FBXL17: variants seen among roughly 807,000 people sequenced by gnomAD.
FBXL17 encodes F-box/LRR-repeat protein 17.
FBXL17 carries 22 observed loss-of-function variants against 66.2 expected under a neutral mutation model. That is an observed-to-expected ratio of 0.33 (90% CI 0.24 to 0.47). The LOEUF (loss-of-function observed/expected upper bound fraction) is 0.47, where lower values mean the gene tolerates loss of function less well. Ranked by LOEUF, FBXL17 falls within the 20% of genes least tolerant of loss-of-function variation. FBXL17 has a pLI of 1.00. For synonymous variants in FBXL17, 474 were observed against 400.5 expected (o/e 1.18, Z -2.19); for missense variants, 878 against 948.2 (o/e 0.93, Z 0.97).
chr5:108,286,398 C>T (rs1281245265), intron 4 of FBXL17, among the ~76,000 whole-genome samples: 1 of 151,808 alleles, frequency 6.6e-6, no homozygotes, highest in Non-Finnish European at 1.5e-5. Flanking sequence ...AACCCTGTAG[C>T]ATCTGCCCAA....
intron 6 of FBXL17, among the ~76,000 whole-genome samples, chr5:108,096,225 G>T (rs995814498): frequency 6.6e-6 from 1 of 152,120 alleles, no homozygotes; most frequent in East Asian, 1.9e-4. Flanking sequence ...GTCCACACAC[G>T]GAGCATTAGC....
chr5:108,189,287 AGGATGGGATGGGATGGGATG>A lies in FBXL17; in HGVS notation c.1615-3060_1615-3041del, dbSNP rs5870302. ...TCATGTAGTTGCTGGAAGAATTCAT[AGGATGGGATGGGATGGGATG>A]GGATGGGATGGGATGGGATGGGATG... On this transcript the variant is annotated intron_variant, in intron 5 of 8. Transcript: ENST00000542267. 5.7e-3 allele frequency among the ~76,000 whole-genome samples: 642 copies of A among 112,526 alleles called. 5 individuals are homozygous for A. Among genetic ancestry groups the A allele is most frequent in the African/African-American group, 0.017 (557 of 32,274 alleles). 73.8% of individuals were successfully genotyped at this position (112,526 alleles called of 152,430 possible). A position where few individuals can be genotyped will look rare whatever the true frequency, so the allele number is the denominator to read the frequency against.
chr5:108,076,273 C>G (rs1415404412), intron 6 of FBXL17, among the ~76,000 whole-genome samples: 2 of 152,206 alleles, frequency 1.3e-5, no homozygotes, highest in African/African-American at 2.4e-5. Flanking sequence ...CAGGCCCTAT[C>G]TTCCCTGGCT....
intron 6 of FBXL17, among the ~76,000 whole-genome samples, chr5:108,095,509 G>T (rs1459550159): frequency 6.6e-6 from 1 of 151,200 alleles, no homozygotes; most frequent in African/African-American, 2.4e-5. Flanking sequence ...TACTGTATAG[G>T]GTAGATCAGT....
intron 7 of FBXL17, among the ~76,000 whole-genome samples, chr5:107,926,397 C>T (rs780797518): frequency 5.9e-5 from 9 of 152,084 alleles, no homozygotes; most frequent in Non-Finnish European, 1.3e-4. Context: ...GACCTCCCCA[C>T]CAAACCTGTA....
At chr5:108,244,600 T>C (rs1756010177) in intron 4 of FBXL17, among the ~76,000 whole-genome samples, 1 of 152,200 alleles carries the variant, frequency 6.6e-6, no homozygotes, top group Non-Finnish European at 1.5e-5. Context: ...TTTTGAACAC[T>C]ACTGGGCACT....
At chr5:108,304,416 T>C (rs971568362) in intron 4 of FBXL17, among the ~76,000 whole-genome samples, 14 of 151,958 alleles carry the variant, frequency 9.2e-5, no homozygotes, top group Non-Finnish European at 1.6e-4. Flanking sequence ...ATAATTATCA[T>C]GAAAAGTTTC....
chr5:107,986,189 T>A (rs1041674790), intron 7 of FBXL17, among the ~76,000 whole-genome samples: 3 of 152,130 alleles, frequency 2.0e-5, no homozygotes, highest in African/African-American at 7.2e-5. Context: ...GTTTAATATC[T>A]GATACAGGTA....
chr5:107,981,704 G>T (rs1752836978), intron 7 of FBXL17, among the ~76,000 whole-genome samples: 1 of 151,862 alleles, frequency 6.6e-6, no homozygotes. Flanking sequence ...TGGCACCAGG[G>T]CAGGGAACAT....
intron 6 of FBXL17, among the ~76,000 whole-genome samples, chr5:108,056,182 C>T (rs530412221): frequency 5.3e-5 from 8 of 152,250 alleles, no homozygotes; most frequent in South Asian, 2.1e-4. Context: ...TAGCTTGATT[C>T]GTAGGTGGGT....
At chr5:107,985,432 C>T (rs930849673) in intron 7 of FBXL17, among the ~76,000 whole-genome samples, 1 of 152,134 alleles carries the variant, frequency 6.6e-6, no homozygotes, top group Non-Finnish European at 1.5e-5. Flanking sequence ...TGTAGTTATT[C>T]CAGGATTACC....
intron 6 of FBXL17, among the ~76,000 whole-genome samples, chr5:108,083,477 T>G (rs1268349510): frequency 6.6e-6 from 1 of 152,166 alleles, no homozygotes; most frequent in African/African-American, 2.4e-5. Flanking sequence ...CTCAGTTCAG[T>G]GCAACCTCCG....
chr5:108,317,253 CTCA>C (rs1759408533), intron 4 of FBXL17, among the ~76,000 whole-genome samples: 2 of 151,226 alleles, frequency 1.3e-5, no homozygotes, highest in Admixed American at 6.6e-5. Flanking sequence ...TAAAATCTTC[CTCA>C]TAACTTTTTA....
intron 7 of FBXL17, among the ~76,000 whole-genome samples, chr5:107,899,981 C>T (rs1273475057): frequency 2.6e-5 from 4 of 152,070 alleles, no homozygotes; most frequent in Admixed American, 2.6e-4. Flanking sequence ...TGAAACTTTT[C>T]CAAATAGTCT....
chr5:108,055,864 A>T (rs1446037202), intron 6 of FBXL17, among the ~76,000 whole-genome samples: 3 of 152,020 alleles, frequency 2.0e-5, no homozygotes, highest in Non-Finnish European at 4.4e-5. Flanking sequence ...AAAGAAAAAA[A>T]AGTCTAGTCC....
At chr5:108,135,207 G>C (rs1580492252) in intron 6 of FBXL17, among the ~76,000 whole-genome samples, 1 of 152,168 alleles carries the variant, frequency 6.6e-6, no homozygotes, top group African/African-American at 2.4e-5. Flanking sequence ...TGTTTACTTA[G>C]CATAGATTTG....
intron 4 of FBXL17, among the ~76,000 whole-genome samples, chr5:108,289,200 T>C (rs1758015288): frequency 6.6e-6 from 1 of 152,174 alleles, no homozygotes; most frequent in Non-Finnish European, 1.5e-5. Context: ...ACACACGAAG[T>C]ACCTGGTTCA....
At chr5:108,317,494 T>C (rs181711963) in intron 4 of FBXL17, among the ~76,000 whole-genome samples, 2 of 151,252 alleles carry the variant, frequency 1.3e-5, no homozygotes, top group African/African-American at 4.8e-5. Flanking sequence ...ACAACTACTA[T>C]ACATCGACTG....
At chr5:108,240,231 T>G (rs955167951) in intron 4 of FBXL17, among the ~76,000 whole-genome samples, 2 of 152,098 alleles carry the variant, frequency 1.3e-5, no homozygotes, top group African/African-American at 4.8e-5. Context: ...TAGGCCACAG[T>G]TGGGTAGAGC....
Sources: gnomAD v4.1 joint callset for allele counts (sites outside exome capture counted in the v4.1 genomes callset) on GRCh38, gnomAD v4.1.1 for gene constraint, MANE v1.5 for transcripts, NCBI Gene and HGNC (gene_info 2026-07-23, HGNC 2026-07-21) for gene names.